Variants in MTDH observed in about 807,000 individuals in gnomAD.
The protein encoded by MTDH is metadherin.
MTDH carries 34 observed loss-of-function variants against 72.7 expected under a neutral mutation model. The ratio of observed to expected loss-of-function variants is 0.47; its 90% CI spans 0.36 to 0.62. The LOEUF (loss-of-function observed/expected upper bound fraction) is 0.62. Among genes scored for constraint, MTDH ranks in the 20% least tolerant of loss-of-function variants. The pLI is 0.00. For synonymous variants in MTDH, 266 were observed against 268.9 expected, an observed-to-expected ratio of 0.99 and a Z score of 0.10; for missense variants, 677 against 699.4, an observed-to-expected ratio of 0.97 and a Z score of 0.36.
At chr8:97,703,936 T>C (rs1197952899) in intron 7 of MTDH, among the ~76,000 whole-genome samples, 1 of 152,186 alleles carries the variant, frequency 6.6e-6, no homozygotes, top group Non-Finnish European at 1.5e-5. Context: ...CATCTTGTTA[T>C]TAAGTGGTAG....
In MTDH at chr8:97,644,782, G is replaced by A. The variant is rs1386766826; in HGVS notation, c.276G>A (p.Ala92=). The part of the protein sequence containing the change: ...RRSPPRKREE[A]AAVPAAAPDD... ...GCCCGCCCCGCAAGCGGGAGGAGGC[G>A]GCGGCCGTGCCGGCCGCGGCCCCCG... The change falls in exon 1 of 12, where the codon GCG becomes GCA. Residue 92 remains alanine, a synonymous_variant. Transcript: ENST00000336273. 7.7e-6 allele frequency: 12 copies of A among 1,549,104 alleles called. No homozygotes were observed. In the Admixed American group the frequency reaches 2.5e-4, roughly 32 times the overall value.
Position 97,697,696 on chromosome 8 carries a change from T to C in MTDH, c.1049-2058T>C, listed in dbSNP as rs1813924955. Among the ~76,000 whole-genome samples, 4 of 152,274 alleles carry C rather than the reference T, an allele frequency of 2.6e-5. No homozygotes were observed. The South Asian group carries it at 8.3e-4, about 32-fold the overall frequency. On this transcript the variant is annotated intron_variant, in intron 6 of 11. Transcript: ENST00000336273. ...CACCGCACCTGGCCTGATTTTTTTTTTAACCATTTAAAAATGTAAGAACTA... is the reference window on the plus strand; with the variant it reads ...CACCGCACCTGGCCTGATTTTTTTTCTAACCATTTAAAAATGTAAGAACTA...
chr8:97,675,872 C>G (rs1480960202), intron 2 of MTDH, among the ~76,000 whole-genome samples: 1 of 134,594 alleles, frequency 7.4e-6, no homozygotes, highest in South Asian at 2.3e-4. Context: ...ACCCTGTCTA[C>G]AAAAAAAAAA....
chr8:97,683,045 C>CTTTTTTTTTTTTTTTTTTTTTTT lies in MTDH; in HGVS notation c.484-3608_484-3586dup, dbSNP rs71271144. The stretch of plus-strand genomic sequence containing the variant: ...CTTTACCCTATGATGCTCTTAGACA[C>CTTTTTTTTTTTTTTTTTTTTTTT]TTTTTTTTTTTTTTTTTTTTTTTTT... On this transcript the variant is annotated intron_variant, in intron 2 of 11. Transcript: ENST00000336273. Among the ~76,000 whole-genome samples, 2 of 44,386 alleles carry CTTTTTTTTTTTTTTTTTTTTTTT rather than the reference C, an allele frequency of 4.5e-5. 1 individual carries two copies. The highest frequency in any genetic ancestry group is 8.7e-5 in the Non-Finnish European group (2 of 22,954). 29.1% of individuals were successfully genotyped at this position (44,386 alleles called of 152,430 possible).
At chr8:97,682,154 A>G (rs1313356196) in intron 2 of MTDH, among the ~76,000 whole-genome samples, 1 of 144,910 alleles carries the variant, frequency 6.9e-6, no homozygotes, top group East Asian at 2.0e-4. Flanking sequence ...AGTATATATC[A>G]CATATTTATT....
intron 6 of MTDH, among the ~76,000 whole-genome samples, chr8:97,697,149 TA>T (rs1170019287): frequency 2.3e-4 from 20 of 87,568 alleles, no homozygotes; most frequent in African/African-American, 1.0e-3. Context: ...TATATATATA[TA>T]TTTTTTTTTT....
intron 3 of MTDH, 91 bp downstream of exon 3, chr8:97,686,843 T>G (rs1000930250): frequency 4.4e-5 from 37 of 837,276 alleles, no homozygotes; most frequent in Non-Finnish European, 3.7e-5. Flanking sequence ...TTTACTTAAT[T>G]TTGTGTTTAG....
At chr8:97,691,346 G>T (rs192852893) in intron 6 of MTDH, among the ~76,000 whole-genome samples, 158 bp downstream of exon 6, 71 of 152,192 alleles carry the variant, frequency 4.7e-4, no homozygotes, top group African/African-American at 1.6e-3. Context: ...TTTTTGTAGA[G>T]CAAGGTGGGA....
chr8:97,721,231 C>G (rs957263714), intron 10 of MTDH, among the ~76,000 whole-genome samples: 2 of 151,960 alleles, frequency 1.3e-5, no homozygotes, highest in African/African-American at 4.8e-5. Context: ...CACTTGAGCT[C>G]AGGAGTTCAA....
chr8:97,647,603 G>T (rs1811615749), intron 1 of MTDH, among the ~76,000 whole-genome samples: 1 of 152,180 alleles, frequency 6.6e-6, no homozygotes, highest in Admixed American at 6.5e-5. Flanking sequence ...GCCCAGGATT[G>T]AAAGAAGACA....
chr8:97,719,634 C>T (rs924376807), intron 10 of MTDH, among the ~76,000 whole-genome samples: 2 of 151,762 alleles, frequency 1.3e-5, no homozygotes, highest in African/African-American at 2.4e-5. Context: ...AAAGGTGAGA[C>T]GCATTTTATA....
intron 1 of MTDH, among the ~76,000 whole-genome samples, chr8:97,646,130 A>G (rs1811554371): frequency 6.6e-6 from 1 of 152,200 alleles, no homozygotes; most frequent in Non-Finnish European, 1.5e-5. Context: ...GCTTTAGGAA[A>G]GTTGTTGGAG....
intron 1 of MTDH, among the ~76,000 whole-genome samples, chr8:97,645,215 C>T (rs1811520113): frequency 6.6e-6 from 1 of 152,162 alleles, no homozygotes; most frequent in Non-Finnish European, 1.5e-5. Flanking sequence ...TCCTTGAGGC[C>T]TGCAGAGTAG....
intron 2 of MTDH, among the ~76,000 whole-genome samples, chr8:97,664,624 A>G (rs568199643): frequency 1.3e-5 from 2 of 152,230 alleles, no homozygotes; most frequent in South Asian, 4.1e-4. Context: ...TAGGTGACTC[A>G]GTTAATTTTT....
In MTDH at chr8:97,729,110, G is replaced by A. The variant is rs1421814196; in HGVS notation, c.*4440G>A. On this transcript the variant is annotated 3_prime_UTR_variant, in exon 12 of 12. Coordinates refer to ENST00000336273, the MANE Select transcript of MTDH (RefSeq NM_178812.4). ...AAATTTTTTTTTTTTTTTTTTGGTAGAGATGAGGTCATTGCTATGTTGCCC... is the reference window on the plus strand; with the variant it reads ...AAATTTTTTTTTTTTTTTTTTGGTAAAGATGAGGTCATTGCTATGTTGCCC... 3.5e-5 allele frequency among the ~76,000 whole-genome samples: 5 copies of A among 144,504 alleles called. No homozygotes were observed. The highest frequency in any genetic ancestry group is 6.0e-5 in the Non-Finnish European group (4 of 66,394). The allele number at this position is 144,504 out of a possible 152,430, so 94.8% of individuals were successfully genotyped here. A position where few individuals can be genotyped will look rare whatever the true frequency, so the allele number is the denominator to read the frequency against.
Position 97,713,724 on chromosome 8 carries a change from AAAAAAG to A in MTDH, c.1344_1349del (p.Lys450_Lys451del). 8 of 1,609,410 alleles carry A rather than the reference AAAAAAG, an allele frequency of 5.0e-6. No homozygotes were observed. Among genetic ancestry groups the A allele is most frequent in the Non-Finnish European group, 6.8e-6 (8 of 1,178,234 alleles). On this transcript the variant is annotated inframe_deletion, in exon 9 of 12. Coordinates refer to ENST00000336273, the MANE Select transcript of MTDH (RefSeq NM_178812.4). ...TTCCAACTGGGAAATCCAAAAAGAAAAAAAAGAAAAAGAAGAAGCAAGGTGAAGATA... is the reference window on the plus strand; with the variant it reads ...TTCCAACTGGGAAATCCAAAAAGAAAAAAAAGAAGAAGCAAGGTGAAGATA...
At chr8:97,706,816 A>G in intron 8 of MTDH, 66 bp downstream of exon 8, 1 of 1,523,998 alleles carries the variant, frequency 6.6e-7, no homozygotes. Context: ...ACAGTGGCTC[A>G]CGCCTATGAT....
chr8:97,714,244 A>G (rs535055253), intron 9 of MTDH, among the ~76,000 whole-genome samples: 31 of 152,224 alleles, frequency 2.0e-4, no homozygotes, highest in African/African-American at 6.7e-4. Flanking sequence ...TCACTCATAC[A>G]TTTCCTTTTC....
At chr8:97,714,447 TA>T (rs1316616843) in intron 9 of MTDH, among the ~76,000 whole-genome samples, 1 of 151,758 alleles carries the variant, frequency 6.6e-6, no homozygotes, top group Admixed American at 6.6e-5. Context: ...ACCCTGTCTC[TA>T]CAAAAATTAG....
Sources: allele counts gnomAD v4.1 joint callset (sites outside exome capture counted in the v4.1 genomes callset), GRCh38; gene constraint gnomAD v4.1.1; transcripts MANE v1.5; gene names NCBI Gene and HGNC (gene_info 2026-07-23, HGNC 2026-07-21).